The following CDH23 variants were observed in gnomAD, a reference collection of about 807,000 sequenced individuals.
CDH23 encodes the protein cadherin-23.
In CDH23, 189 loss-of-function variants were observed where a neutral mutation model predicts 317.1. That is an observed-to-expected ratio of 0.60 (90% CI 0.53 to 0.67). CDH23 has a LOEUF of 0.67. Ranked by LOEUF, CDH23 falls within the 30% of genes least tolerant of loss-of-function variation. CDH23 has a pLI of 0.00. For missense variants in CDH23, 4,401 were observed against 4,592.4 expected, an observed-to-expected ratio of 0.96 and a Z score of 1.20; for synonymous variants, 1,839 against 1,876.8, an observed-to-expected ratio of 0.98 and a Z score of 0.52.
intron 3 of CDH23, among the ~76,000 whole-genome samples, chr10:71,466,333 C>T (rs954474321): frequency 6.6e-6 from 1 of 152,034 alleles, no homozygotes; most frequent in African/African-American, 2.4e-5. Flanking sequence ...TATGAGCATG[C>T]ATGTGTGTAT....
chr10:71,782,973 G>A (rs1840996453), intron 41 of CDH23, among the ~76,000 whole-genome samples: 1 of 152,182 alleles, frequency 6.6e-6, no homozygotes, highest in African/African-American at 2.4e-5. Context: ...GAGGTAGGAT[G>A]TGAAGAGACA....
intron 9 of CDH23, among the ~76,000 whole-genome samples, chr10:71,611,997 G>A (rs1860925773): frequency 6.6e-6 from 1 of 152,138 alleles, no homozygotes; most frequent in Non-Finnish European, 1.5e-5. Flanking sequence ...TGGAGGCAGG[G>A]CTCATCTCCT....
Position 71,738,497 on chromosome 10 carries a change from G to T in CDH23, c.4210-1G>T, listed in dbSNP as rs1166948274. On this transcript the variant is annotated splice_acceptor_variant, in intron 34 of 69. Coordinates refer to ENST00000224721, the MANE Select transcript of CDH23 (RefSeq NM_022124.6). LOFTEE classifies it high-confidence loss of function. ...AGGTCTCTGACCACGTTCACCCTCA[G>T]GTCTACATCACTGTGCTGGACGAGA... 6.2e-7 allele frequency: 1 copy of T among 1,613,944 alleles called. No homozygotes were observed. The highest frequency in any genetic ancestry group is 1.6e-4 in the Middle Eastern group (1 of 6,062).
chr10:71,626,845 A>G (rs1861757302), intron 11 of CDH23, among the ~76,000 whole-genome samples: 2 of 152,216 alleles, frequency 1.3e-5, no homozygotes, highest in Non-Finnish European at 2.9e-5. Context: ...GATTGCCTCC[A>G]ACATTCTGTA....
chr10:71,447,509 G>A (rs532815768), intron 3 of CDH23, among the ~76,000 whole-genome samples: 1 of 152,094 alleles, frequency 6.6e-6, no homozygotes, highest in Non-Finnish European at 1.5e-5. Context: ...CTGGCTGTTT[G>A]TTGTGGGGAT....
intron 1 of CDH23, among the ~76,000 whole-genome samples, chr10:71,419,950 T>C (rs1848678230): frequency 6.6e-6 from 1 of 152,190 alleles, no homozygotes; most frequent in Non-Finnish European, 1.5e-5. Context: ...AGCATGTCTC[T>C]CACCTGCCAG....
At chr10:71,600,994 G>A (rs1479678060) in intron 9 of CDH23, among the ~76,000 whole-genome samples, 2 of 152,176 alleles carry the variant, frequency 1.3e-5, no homozygotes, top group Non-Finnish European at 2.9e-5. Flanking sequence ...GATGTTTGAT[G>A]TTTTCCACAT....
chr10:71,702,708 A>C lies in CDH23; in HGVS notation c.2733+14A>C. 1 of 1,613,396 alleles carries C rather than the reference A, an allele frequency of 6.2e-7. No homozygotes were observed. The stretch of plus-strand genomic sequence containing the variant: ...TCCATCTACCAAGTGAGTCTCTATC[A>C]TCTCATTCCTACCAGCCCAGAGGTG... On this transcript the variant is annotated intron_variant, in intron 24 of 69. Coordinates refer to ENST00000224721, the MANE Select transcript of CDH23 (RefSeq NM_022124.6).
intron 9 of CDH23, 134 bp downstream of exon 9, chr10:71,578,126 A>G: frequency 1.2e-6 from 1 of 840,400 alleles, no homozygotes. Flanking sequence ...ACCTGACTAC[A>G]GGGACAGTCC....
intron 60 of CDH23, 124 bp downstream of exon 60, chr10:71,808,131 C>A: frequency 8.7e-7 from 1 of 1,147,314 alleles, no homozygotes; most frequent in Non-Finnish European, 1.2e-6. Flanking sequence ...CCCAGCCAGC[C>A]ACACCAATCC....
intron 6 of CDH23, among the ~76,000 whole-genome samples, chr10:71,522,206 C>T (rs1854735383): frequency 6.6e-6 from 1 of 151,634 alleles, no homozygotes; most frequent in South Asian, 2.1e-4. Flanking sequence ...CATAAATATT[C>T]AGCTTTATGA....
In CDH23 at chr10:71,615,070, G is replaced by A. The variant is rs375768052; in HGVS notation, c.833-434G>A. 1.3e-3 allele frequency among the ~76,000 whole-genome samples: 205 copies of A among 152,270 alleles called. 1 individual carries two copies. Among genetic ancestry groups the A allele is most frequent in the African/African-American group, 4.6e-3 (191 of 41,562 alleles). Reference sequence around the variant, plus strand: ...TACTAGACTAGACTAGACTAGAATAGAATGTCACCATAAAAATAAGCACAA... The same window carrying A: ...TACTAGACTAGACTAGACTAGAATAAAATGTCACCATAAAAATAAGCACAA... On this transcript the variant is annotated intron_variant, in intron 9 of 69. Coordinates refer to ENST00000224721, the MANE Select transcript of CDH23 (RefSeq NM_022124.6).
chr10:71,788,925 T>C lies in CDH23; in HGVS notation c.5821-15T>C, dbSNP rs374125601. 6.0e-5 allele frequency: 84 copies of C among 1,399,670 alleles called. No individual in the cohort carries two copies. The African/African-American group carries it at 1.1e-3, about 19-fold the overall frequency. The allele number at this position is 1,399,670 out of a possible 1,614,324, so 86.7% of individuals were successfully genotyped here. On this transcript the variant is annotated splice_polypyrimidine_tract_variant and intron_variant, in intron 44 of 69. Transcript: ENST00000224721. ...TGAGCATGGCCTACAACGTGCCCCA[T>C]TCTGCCCCTTGCAGGATTATGACTT...
intron 9 of CDH23, among the ~76,000 whole-genome samples, chr10:71,615,015 C>T (rs754438282): frequency 1.3e-5 from 2 of 151,982 alleles, no homozygotes; most frequent in East Asian, 1.9e-4. Flanking sequence ...CTTTACATCA[C>T]GGTCATAAAT....
At chr10:71,420,470 G>A (rs1318116868) in intron 1 of CDH23, among the ~76,000 whole-genome samples, 5 of 33,056 alleles carry the variant, frequency 1.5e-4, no homozygotes, top group East Asian at 1.3e-3. Context: ...AATGATGATG[G>A]TGATGATGAT....
At chr10:71,485,935 G>A (rs1472390306) in intron 3 of CDH23, among the ~76,000 whole-genome samples, 1 of 152,298 alleles carries the variant, frequency 6.6e-6, no homozygotes, top group Non-Finnish European at 1.5e-5. Context: ...CTTCCTGGGG[G>A]ACTAATTTTA....
At chr10:71,441,027 C>G (rs554936830) in intron 2 of CDH23, among the ~76,000 whole-genome samples, 2 of 152,250 alleles carry the variant, frequency 1.3e-5, no homozygotes, top group South Asian at 2.1e-4. Context: ...TGGAATCCCC[C>G]CTGTGATGGG....
At position 71,419,270 on chromosome 10, in the gene CDH23, ACT is replaced by A. The variant is rs560452294; in HGVS notation, c.-5-20552_-5-20551del. On this transcript the variant is annotated intron_variant, in intron 1 of 69. Transcript: ENST00000224721. ...AGAGCTGCTTGTGCTACAGGAATGGACTCTCTGAAGAATGAAGTGACCTTGAG... is the reference window on the plus strand; with the variant it reads ...AGAGCTGCTTGTGCTACAGGAATGGACTCTGAAGAATGAAGTGACCTTGAG... Among the ~76,000 whole-genome samples the A allele has an allele frequency of 7.2e-5, 11 of 152,036 alleles. No individual in the cohort carries two copies. In the South Asian group the frequency reaches 2.1e-3, roughly 29 times the overall value.
intron 14 of CDH23, among the ~76,000 whole-genome samples, chr10:71,662,382 C>T (rs1863712754): frequency 1.3e-5 from 2 of 152,168 alleles, no homozygotes; most frequent in African/African-American, 2.4e-5. Context: ...CCAGCCTCCA[C>T]CCAGGTACCT....
Sources: allele counts gnomAD v4.1 joint callset (sites outside exome capture counted in the v4.1 genomes callset), GRCh38; gene constraint gnomAD v4.1.1; transcripts MANE v1.5; gene names NCBI Gene and HGNC (gene_info 2026-07-23, HGNC 2026-07-21).